The following CLEC4A variants were observed in gnomAD, a reference collection of about 807,000 sequenced individuals.
The protein encoded by CLEC4A is C-type lectin domain family 4 member A.
CLEC4A carries 27 observed loss-of-function variants against 32.7 expected under a neutral mutation model. That is an observed-to-expected ratio of 0.83 (90% confidence interval 0.61 to 1.14). The LOEUF is 1.14. Among genes scored for constraint, CLEC4A ranks in the 50% most tolerant of loss-of-function variants. The pLI is 0.00. For synonymous variants in CLEC4A, 89 were observed against 93.7 expected (o/e 0.95, Z 0.29); for missense variants, 253 against 274.6 (o/e 0.92, Z 0.55).
intron 5 of CLEC4A, 34 bp downstream of exon 5, chr12:8,136,937 C>A (rs755332351): frequency 4.9e-6 from 7 of 1,436,936 alleles, no homozygotes; most frequent in Non-Finnish European, 3.9e-6. Context: ...AATCTTGGGT[C>A]CTGGATCATG....
intron 3 of CLEC4A, chr12:8,134,980 T>TTTG: frequency 3.5e-6 from 1 of 282,568 alleles, no homozygotes; most frequent in East Asian, 9.6e-5. Flanking sequence ...AGCGTTTTTG[T>TTTG]TTTTTGTTTT....
At chr12:8,133,548 GA>G in intron 3 of CLEC4A, among the ~76,000 whole-genome samples, 1 of 146,752 alleles carries the variant, frequency 6.8e-6, no homozygotes, top group African/African-American at 2.5e-5. Flanking sequence ...CTTTATTTAA[GA>G]AAAAAGTGAT....
At position 8,126,469 on chromosome 12, in the gene CLEC4A, C is replaced by T. The variant is rs1591606941; in HGVS notation, c.199+792C>T. 1.3e-5 allele frequency among the ~76,000 whole-genome samples: 2 copies of T among 151,612 alleles called. 1 individual carries two copies. Among genetic ancestry groups the T allele is most frequent in the Middle Eastern group, 6.8e-3 (2 of 294 alleles). ...TCCTGGGCTCAAGCAGTCTGCCTAC[C>T]TCAGCCTCCTAACGTGCTGGGATTA... On this transcript the variant is annotated intron_variant, in intron 2 of 5. Transcript: ENST00000229332.
upstream of CLEC4A, among the ~76,000 whole-genome samples, chr12:8,119,977 A>G (rs778943539): frequency 8.5e-5 from 13 of 152,234 alleles, no homozygotes; most frequent in Non-Finnish European, 8.8e-5. Context: ...GTTTTATTAT[A>G]GCAAAAGGAT....
chr12:8,134,066 A>T (rs1948047548), intron 3 of CLEC4A: 2 of 1,591,022 alleles, frequency 1.3e-6, no homozygotes, highest in East Asian at 2.3e-5. Context: ...CTGCTGGGCG[A>T]TGTGGCTGAT....
At chr12:8,118,070 G>GAA in the CLEC4A span, among the ~76,000 whole-genome samples, 1,994 of 149,898 alleles carry the variant, frequency 0.013, 45 homozygotes, top group African/African-American at 0.047. Context: ...GAGGAAAGGG[G>GAA]AAAAAAAAAG....
At chr12:8,114,686 G>A in the CLEC4A span, among the ~76,000 whole-genome samples, 1 of 152,120 alleles carries the variant, frequency 6.6e-6, no homozygotes, top group Non-Finnish European at 1.5e-5. Flanking sequence ...TTACAGTTTT[G>A]CAAAAATTAT....
intron 4 of CLEC4A, among the ~76,000 whole-genome samples, 195 bp from the exon 5 acceptor site, chr12:8,136,593 G>GT (rs1343598027): frequency 3.3e-5 from 5 of 150,256 alleles, no homozygotes; most frequent in African/African-American, 9.8e-5. Context: ...AATTCCTTCC[G>GT]TATGTACTGA....
the CLEC4A span, among the ~76,000 whole-genome samples, chr12:8,106,202 G>A: frequency 6.6e-6 from 1 of 152,100 alleles, no homozygotes; most frequent in African/African-American, 2.4e-5. Flanking sequence ...GGTTGTAGGT[G>A]TGCAGCTTTA....
intron 4 of CLEC4A, 99 bp downstream of exon 4, chr12:8,135,835 T>C (rs1272500159): frequency 5.0e-6 from 6 of 1,191,526 alleles, no homozygotes; most frequent in South Asian, 3.0e-5. Context: ...ATATTTGCGC[T>C]GTGGCAGAAG....
At chr12:8,135,501 C>A (rs1299724286) in intron 3 of CLEC4A, 84 bp from the exon 4 acceptor site, 4 of 1,432,056 alleles carry the variant, frequency 2.8e-6, no homozygotes, top group East Asian at 2.3e-5. Context: ...CATGTGCTCT[C>A]TCTTGGCTCT....
chr12:8,129,250 A>C lies in CLEC4A; in HGVS notation c.200-14A>C, dbSNP rs374593576. The stretch of plus-strand genomic sequence containing the variant: ...GCTACCAGGAAAATAAATGGTCTTT[A>C]TTCTCTTTTCCAGTTTTCTTTCAAA... On this transcript the variant is annotated splice_polypyrimidine_tract_variant and intron_variant, in intron 2 of 5. Transcript: ENST00000229332. The C allele has an allele frequency of 6.7e-7, 1 of 1,498,104 alleles. No homozygotes were observed. The highest frequency in any genetic ancestry group is 9.2e-7 in the Non-Finnish European group (1 of 1,085,688). The allele number at this position is 1,498,104 out of a possible 1,614,324, so 92.8% of individuals were successfully genotyped here.
chr12:8,119,156 A>G (rs1947811849), upstream of CLEC4A, among the ~76,000 whole-genome samples: 1 of 152,252 alleles, frequency 6.6e-6, no homozygotes, highest in African/African-American at 2.4e-5. Context: ...TACCAGCTGA[A>G]TTAGCTAGCC....
At chr12:8,114,155 G>A in the CLEC4A span, among the ~76,000 whole-genome samples, 2 of 152,140 alleles carry the variant, frequency 1.3e-5, no homozygotes, top group African/African-American at 4.8e-5. Context: ...GAGTCCATAC[G>A]GTGCTCAAAT....
At chr12:8,126,656 G>C (rs1221223844) in intron 2 of CLEC4A, among the ~76,000 whole-genome samples, 1 of 152,194 alleles carries the variant, frequency 6.6e-6, no homozygotes, top group Non-Finnish European at 1.5e-5. Flanking sequence ...CAGAGCCACA[G>C]CCCCTGGTCT....
chr12:8,105,811 CA>C, the CLEC4A span, among the ~76,000 whole-genome samples: 4 of 152,160 alleles, frequency 2.6e-5, no homozygotes, highest in African/African-American at 9.7e-5. Flanking sequence ...GCATAGTTTA[CA>C]AATATATTCT....
At position 8,133,741 on chromosome 12, in the gene CLEC4A, C is replaced by G; in HGVS notation, c.299-1844C>G. 1.4e-5 allele frequency: 23 copies of G among 1,586,824 alleles called. 1 individual carries two copies. In the South Asian group the frequency reaches 2.6e-4, roughly 18 times the overall value. ...TCTTTCCCTAGCTCCTCCCCTCCCC[C>G]TGTCCCCCATTCCTAGAAGGGCAGG... is the stretch of plus-strand genomic sequence containing the variant. On this transcript the variant is annotated intron_variant, in intron 3 of 5. Coordinates refer to ENST00000229332, the MANE Select transcript of CLEC4A (RefSeq NM_016184.4).
At chr12:8,135,064 T>TA (rs1180300615) in intron 3 of CLEC4A, among the ~76,000 whole-genome samples, 1 of 105,928 alleles carries the variant, frequency 9.4e-6, no homozygotes, top group African/African-American at 3.4e-5. Context: ...TTTTTTTTTT[T>TA]TTTTTGAGAC....
At chr12:8,132,623 G>C (rs2120608101) in intron 3 of CLEC4A, among the ~76,000 whole-genome samples, 1 of 152,290 alleles carries the variant, frequency 6.6e-6, no homozygotes, top group South Asian at 2.1e-4. Context: ...GTTGTTGGGT[G>C]GAGCGTTCTA....
Sources: gnomAD v4.1 joint callset for allele counts (sites outside exome capture counted in the v4.1 genomes callset) on GRCh38, gnomAD v4.1.1 for gene constraint, MANE v1.5 for transcripts, NCBI Gene and HGNC (gene_info 2026-07-23, HGNC 2026-07-21) for gene names.